YY1AP1: variants seen among roughly 807,000 people sequenced by gnomAD.
YY1AP1 encodes the protein YY1 associated protein 1.
Under a neutral mutation model 39.9 loss-of-function variants are expected in YY1AP1, and 43 were observed. That is an observed-to-expected ratio of 1.08 (90% CI 0.84 to 1.39). The LOEUF is 1.39. Ranked by LOEUF, YY1AP1 falls within the 40% of genes most tolerant of loss-of-function variation. YY1AP1 has a pLI of 0.00. For missense variants in YY1AP1, 813 were observed against 900.7 expected (o/e 0.90, Z 1.25); for synonymous variants, 292 against 331.3 (o/e 0.88, Z 1.29).
Position 155,660,811 on chromosome 1 carries a change from G to A in YY1AP1, c.1099C>T (p.Leu367=), listed in dbSNP as rs1647973186. 1 of 1,614,034 alleles carries A rather than the reference G, an allele frequency of 6.2e-7. No individual in the cohort carries two copies. The change falls in exon 11 of 11, where the codon CTA becomes TTA. Residue 367 remains leucine (L), a synonymous_variant. Transcript: ENST00000355499. ...CCCAACTCTGAGTTGTCTTTTTCTA[G>A]GCCTTGATCTGAGTTGATCTCAGTG... ...GTTEINSDQG[L]EKDNSELGSE... is the part of the protein sequence containing the mutation.
intron 4 of YY1AP1, 63 bp downstream of exon 4, chr1:155,679,346 G>A: frequency 1.9e-6 from 3 of 1,611,148 alleles, no homozygotes; most frequent in Non-Finnish European, 2.5e-6. Flanking sequence ...TGCAACTTCT[G>A]AAAACCTTTT....
chr1:155,682,230 T>A (rs185764086), intron 2 of YY1AP1, among the ~76,000 whole-genome samples: 2 of 152,166 alleles, frequency 1.3e-5, no homozygotes, highest in East Asian at 3.8e-4. Context: ...AATCTTTGGC[T>A]ATCTCATTTT....
At chr1:155,660,968 A>AT (rs759553957) in intron 10 of YY1AP1, 55 bp from the exon 11 acceptor site, 3 of 1,612,318 alleles carry the variant, frequency 1.9e-6, no homozygotes, top group South Asian at 2.2e-5. Context: ...GGGAAAAAGA[A>AT]TAGGACTTTC....
At chr1:155,661,605 A>G (rs1648161902) in intron 9 of YY1AP1, among the ~76,000 whole-genome samples, 182 bp from the exon 10 acceptor site, 1 of 152,152 alleles carries the variant, frequency 6.6e-6, no homozygotes, top group Admixed American at 6.6e-5. Context: ...CATATGCTGA[A>G]TACTTGTACA....
At chr1:155,664,532 C>T (rs1029731856) in intron 9 of YY1AP1, among the ~76,000 whole-genome samples, 8 of 151,708 alleles carry the variant, frequency 5.3e-5, no homozygotes, top group South Asian at 2.1e-4. Flanking sequence ...GTCAGGGGTT[C>T]GAGATCACCT....
chr1:155,663,317 G>A (rs1648449691), intron 9 of YY1AP1, among the ~76,000 whole-genome samples: 1 of 150,476 alleles, frequency 6.6e-6, no homozygotes. Flanking sequence ...AGTGCAGTGG[G>A]CCGACATCAC....
intron 2 of YY1AP1, among the ~76,000 whole-genome samples, chr1:155,684,959 T>C (rs1285382816): frequency 2.0e-5 from 3 of 152,180 alleles, no homozygotes; most frequent in African/African-American, 7.2e-5. Flanking sequence ...GTCTGTCAAA[T>C]AGCTACTGGA....
At position 155,659,638 on chromosome 1, in the gene YY1AP1, A is replaced by C. The variant is rs772307540; in HGVS notation, c.*19T>G. On this transcript the variant is annotated 3_prime_UTR_variant, in exon 11 of 11. Coordinates refer to ENST00000355499, the MANE Select transcript of YY1AP1 (RefSeq NM_139119.3). The stretch of plus-strand genomic sequence containing the variant: ...GCCGAAGTGAAGGCTCCCAGTCTCC[A>C]GACTCTTATTCTCCTAGCTCAAAGA... 8 of 1,613,656 alleles carry C rather than the reference A, an allele frequency of 5.0e-6. No homozygotes were observed. The Admixed American group carries it at 1.3e-4, about 27-fold the overall frequency.
At chr1:155,674,939 A>G in intron 6 of YY1AP1, 71 bp downstream of exon 6, 2 of 1,374,776 alleles carry the variant, frequency 1.5e-6, no homozygotes, top group Non-Finnish European at 2.1e-6. Context: ...TGAGAGAATA[A>G]CTGTGAGAAA....
chr1:155,674,994 CA>C lies in YY1AP1; in HGVS notation c.411+15del. 1 of 1,606,946 alleles carries C rather than the reference CA, an allele frequency of 6.2e-7. No homozygotes were observed. Among genetic ancestry groups the C allele is most frequent in the South Asian group, 1.1e-5 (1 of 90,916 alleles). On this transcript the variant is annotated intron_variant, in intron 6 of 10. Coordinates refer to ENST00000355499, the MANE Select transcript of YY1AP1 (RefSeq NM_139119.3). ...TATATTCTAGTCTATAGAATTACGG[CA>C]ATTTGGAAACTTACAAGACATATCC... is the stretch of plus-strand genomic sequence containing the variant.
At chr1:155,682,414 A>C (rs1425243977) in intron 2 of YY1AP1, among the ~76,000 whole-genome samples, 1 of 152,154 alleles carries the variant, frequency 6.6e-6, no homozygotes, top group African/African-American at 2.4e-5. Context: ...CATTTTTTTC[A>C]ACAATCATTT....
chr1:155,665,218 G>A (rs956737588), intron 9 of YY1AP1, among the ~76,000 whole-genome samples: 1 of 151,886 alleles, frequency 6.6e-6, no homozygotes, highest in Non-Finnish European at 1.5e-5. Flanking sequence ...AGGAGTCTGA[G>A]ACCAGCCTGG....
Position 155,659,862 on chromosome 1 carries a change from G to A in YY1AP1, c.2048C>T (p.Pro683Leu), listed in dbSNP as rs1164294142. 8 of 1,614,216 alleles carry A rather than the reference G, an allele frequency of 5.0e-6. No homozygotes were observed. The highest frequency in any genetic ancestry group is 1.7e-5 in the Admixed American group (1 of 60,028). The change falls in exon 11 of 11, where the codon CCA (proline) becomes CTA (leucine). Residue 683 changes from proline (P) to leucine (L), a missense_variant. By Grantham distance (98) the Pro-to-Leu change is moderately conservative (BLOSUM62 -3). This residue lies in a region of YY1AP1 where 586 missense variants were observed against 647.4 expected (regional missense o/e 0.91). Transcript: ENST00000355499. Reference protein sequence around the residue: ...PKVEHSPGPPPVDKQCQEGLS... With the variant: ...PKVEHSPGPPLVDKQCQEGLS... ...TCCTTCTTGGCACTGTTTATCGACTGGTGGAGGCCCTGGGCTATGTTCCAC... is the reference window on the plus strand; with the variant it reads ...TCCTTCTTGGCACTGTTTATCGACTAGTGGAGGCCCTGGGCTATGTTCCAC...
intron 1 of YY1AP1, 25 bp downstream of exon 1, chr1:155,688,634 C>T (rs1653098606): frequency 6.5e-7 from 1 of 1,534,600 alleles, no homozygotes; most frequent in Admixed American, 2.0e-5. Context: ...GTCAAGCCGG[C>T]TCCAGCGCAG....
chr1:155,680,985 C>T (rs1374395073), intron 2 of YY1AP1, among the ~76,000 whole-genome samples: 1 of 151,220 alleles, frequency 6.6e-6, no homozygotes, highest in Non-Finnish European at 1.5e-5. Flanking sequence ...TCTCATTGAA[C>T]TTAAATTCTA....
chr1:155,688,312 C>T, intron 1 of YY1AP1, 111 bp from the exon 2 acceptor site: 2 of 1,561,300 alleles, frequency 1.3e-6, no homozygotes, highest in African/African-American at 1.4e-5. Flanking sequence ...GCAAAGCGAA[C>T]CCAAAATGGC....
At chr1:155,687,510 C>G (rs952305848) in intron 2 of YY1AP1, among the ~76,000 whole-genome samples, 2 of 138,620 alleles carry the variant, frequency 1.4e-5, no homozygotes, top group Non-Finnish European at 3.0e-5. Flanking sequence ...CACTTGCCAT[C>G]CTCACATACA....
At chr1:155,670,169 T>C (rs1649637615) in intron 8 of YY1AP1, 151 bp downstream of exon 8, 2 of 1,054,310 alleles carry the variant, frequency 1.9e-6, no homozygotes, top group Non-Finnish European at 1.4e-6. Flanking sequence ...TTGGCACTGC[T>C]AGAACAAGCA....
At chr1:155,662,290 A>G (rs1252990773) in intron 9 of YY1AP1, among the ~76,000 whole-genome samples, 1 of 152,062 alleles carries the variant, frequency 6.6e-6, no homozygotes, top group East Asian at 1.9e-4. Flanking sequence ...TGAGAGTTTG[A>G]GACCAGCCTG....
Sources: allele counts gnomAD v4.1 joint callset (sites outside exome capture counted in the v4.1 genomes callset), GRCh38; gene constraint gnomAD v4.1.1; regional missense constraint gnomAD v4.1.1; transcripts MANE v1.5; gene names NCBI Gene and HGNC (gene_info 2026-07-23, HGNC 2026-07-21).